The following NTRK2 variants were observed in gnomAD, a reference collection of about 807,000 sequenced individuals.
NTRK2 encodes the protein BDNF/NT-3 growth factors receptor.
A neutral mutation model predicts 94.5 loss-of-function variants in NTRK2; 13 were observed. The observed-to-expected ratio is 0.14, with a 90% CI of 0.09 to 0.22. NTRK2 has a LOEUF of 0.22. Among genes scored for constraint, NTRK2 ranks in the 10% least tolerant of loss-of-function variants. The probability of loss-of-function intolerance (pLI) is 1.00; values close to 1 mark genes in which losing one functional copy is unlikely to be tolerated. For synonymous variants in NTRK2, 372 were observed against 407.4 expected, an observed-to-expected ratio of 0.91 and a Z score of 1.05; for missense variants, 639 against 1,071.2, an observed-to-expected ratio of 0.60 and a Z score of 5.63.
intron 17 of NTRK2, among the ~76,000 whole-genome samples, chr9:84,968,598 A>C (rs1825834673): frequency 6.6e-6 from 1 of 152,180 alleles, no homozygotes; most frequent in Admixed American, 6.5e-5. Flanking sequence ...GAACATAGGC[A>C]GGCAGACAGC....
chr9:84,824,242 C>T (rs1182459874), intron 12 of NTRK2, among the ~76,000 whole-genome samples: 1 of 152,210 alleles, frequency 6.6e-6, no homozygotes, highest in Non-Finnish European at 1.5e-5. Context: ...GTTGGCACTG[C>T]AGGGCACACA....
intron 14 of NTRK2, among the ~76,000 whole-genome samples, chr9:84,920,031 T>C (rs2077513332): frequency 6.6e-6 from 1 of 152,176 alleles, no homozygotes; most frequent in Non-Finnish European, 1.5e-5. Context: ...TCATTTTCAG[T>C]CTCCACTTTA....
chr9:84,993,021 T>C, intron 17 of NTRK2, among the ~76,000 whole-genome samples: 1 of 152,068 alleles, frequency 6.6e-6, no homozygotes, highest in African/African-American at 2.4e-5. Flanking sequence ...GTCCTCATCT[T>C]ATTTGACAAT....
intron 12 of NTRK2, among the ~76,000 whole-genome samples, chr9:84,806,639 G>A (rs1182372506): frequency 6.6e-6 from 1 of 152,182 alleles, no homozygotes; most frequent in African/African-American, 2.4e-5. Flanking sequence ...TATTCACCAT[G>A]TGAGTTGAGC....
At chr9:84,679,659 C>T (rs1444045397) in intron 2 of NTRK2, among the ~76,000 whole-genome samples, 1 of 152,190 alleles carries the variant, frequency 6.6e-6, no homozygotes, top group African/African-American at 2.4e-5. Context: ...CCTTGAAAGA[C>T]TCTGTGGTTC....
intron 14 of NTRK2, chr9:84,877,832 GA>G: frequency 9.6e-7 from 1 of 1,043,836 alleles, no homozygotes; most frequent in Non-Finnish European, 1.2e-6. Context: ...TTTTGTACTG[GA>G]ATTTGTGATG....
chr9:84,862,282 C>T (rs1178431219), intron 13 of NTRK2, among the ~76,000 whole-genome samples: 1 of 152,174 alleles, frequency 6.6e-6, no homozygotes, highest in Admixed American at 6.5e-5. Context: ...AGGGATGATC[C>T]TGCCTGGGCA....
At chr9:84,712,593 A>T (rs910790108) in intron 6 of NTRK2, among the ~76,000 whole-genome samples, 1 of 152,044 alleles carries the variant, frequency 6.6e-6, no homozygotes, top group African/African-American at 2.4e-5. Flanking sequence ...GAATCGACAG[A>T]CTTATTTTTC....
intron 14 of NTRK2, among the ~76,000 whole-genome samples, chr9:84,894,724 A>C (rs1274671965): frequency 1.3e-5 from 2 of 152,266 alleles, no homozygotes; most frequent in East Asian, 3.8e-4. Context: ...TCAGATTAAT[A>C]AATTGCCATA....
rs956419530 is a variant in NTRK2 at position 84,727,503 on chromosome 9, CA to C, written c.854-147del. 6 of 773,080 alleles carry C rather than the reference CA, an allele frequency of 7.8e-6. No homozygotes were observed. The African/African-American group carries it at 1.0e-4, about 13-fold the overall frequency. The allele number at this position is 773,080 out of a possible 1,614,324, so 47.9% of individuals were successfully genotyped here. On this transcript the variant is annotated intron_variant, in intron 8 of 18. Transcript: ENST00000277120. ...AGTTACATCCACCCTGATGATGATACAAAATACTGATGGATTCCAGAGTTTC... is the reference window on the plus strand; with the variant it reads ...AGTTACATCCACCCTGATGATGATACAAATACTGATGGATTCCAGAGTTTC...
chr9:84,858,238 A>G (rs532916611), intron 12 of NTRK2, among the ~76,000 whole-genome samples: 2 of 151,856 alleles, frequency 1.3e-5, no homozygotes, highest in African/African-American at 2.4e-5. Flanking sequence ...TCTTGCCTTA[A>G]TTTTTTTCCT....
At chr9:84,798,699 T>G (rs189716802) in intron 12 of NTRK2, among the ~76,000 whole-genome samples, 3 of 152,284 alleles carry the variant, frequency 2.0e-5, no homozygotes, top group African/African-American at 7.2e-5. Flanking sequence ...ATGATTATTT[T>G]TATTTACAAT....
intron 14 of NTRK2, among the ~76,000 whole-genome samples, chr9:84,870,331 G>GTGTATA (rs1349303529): frequency 7.7e-4 from 24 of 31,174 alleles, no homozygotes; most frequent in Admixed American, 3.4e-3. Context: ...GTGTGTGTGT[G>GTGTATA]TATATATATA....
intron 8 of NTRK2, among the ~76,000 whole-genome samples, chr9:84,725,404 A>T (rs2062373581): frequency 6.6e-6 from 1 of 152,196 alleles, no homozygotes; most frequent in African/African-American, 2.4e-5. Context: ...ATCTCCAAAC[A>T]TATGCAAGCA....
intron 9 of NTRK2, 102 bp from the exon 10 acceptor site, chr9:84,741,790 A>G (rs1202397473): frequency 2.0e-6 from 2 of 998,618 alleles, no homozygotes; most frequent in African/African-American, 1.6e-5. Context: ...ATTAAATTGC[A>G]AAACTTCAGT....
Position 84,669,896 on chromosome 9 carries a change from G to T in NTRK2, c.-373+8G>T, listed in dbSNP as rs890979899. 2.0e-5 allele frequency: 3 copies of T among 152,296 alleles called. No homozygotes were observed. Among genetic ancestry groups the T allele is most frequent in the Non-Finnish European group, 4.4e-5 (3 of 68,090 alleles). 9.4% of individuals were successfully genotyped at this position (152,296 alleles called of 1,614,324 possible). ...TGAGGCGCCGGAGCCCGGGTGAGCA[G>T]CGCAGATAGTGCCCTCGGTCGCCTC... On this transcript the variant is annotated splice_region_variant and intron_variant, in intron 1 of 18. Transcript: ENST00000277120. This position sits in a 1 kb window ranked among gnomAD's most constrained non-coding sequence, Gnocchi z 4.1.
chr9:84,685,005 G>A (rs1345210818), intron 2 of NTRK2, among the ~76,000 whole-genome samples: 2 of 150,444 alleles, frequency 1.3e-5, no homozygotes, highest in Admixed American at 6.6e-5. Flanking sequence ...TTTCTATGTT[G>A]TAGGTGTGGC....
chr9:84,712,632 G>A (rs1393301010), intron 6 of NTRK2, among the ~76,000 whole-genome samples: 1 of 152,076 alleles, frequency 6.6e-6, no homozygotes, highest in Admixed American at 6.6e-5. Context: ...TAACTGTTTT[G>A]TTCTTTCCCT....
At chr9:84,842,151 T>C (rs376249326) in intron 12 of NTRK2, among the ~76,000 whole-genome samples, 10 of 152,302 alleles carry the variant, frequency 6.6e-5, no homozygotes, top group African/African-American at 2.4e-4. Context: ...ATTACATTTC[T>C]TCTGCTCAGG....
Sources: gnomAD v4.1 joint callset for allele counts (sites outside exome capture counted in the v4.1 genomes callset) on GRCh38, gnomAD v4.1.1 for gene constraint, Gnocchi (gnomAD v3.1) non-coding constraint, MANE v1.5 for transcripts, NCBI Gene and HGNC (gene_info 2026-07-23, HGNC 2026-07-21) for gene names.